Variants in DNAH2 observed in about 807,000 individuals in gnomAD.
The protein encoded by DNAH2 is axonemal beta dynein heavy chain 2.
DNAH2 carries 323 observed loss-of-function variants against 523.5 expected under a neutral mutation model. The ratio of observed to expected loss-of-function variants is 0.62; its 90% CI spans 0.56 to 0.68. The LOEUF is 0.68. Ranked by LOEUF, DNAH2 falls within the 30% of genes least tolerant of loss-of-function variation. DNAH2 has a pLI of 0.00. For synonymous variants in DNAH2, 2,093 were observed against 2,177.4 expected (o/e 0.96, Z 1.08); for missense variants, 4,907 against 5,701.5 (o/e 0.86, Z 4.49).
Position 7,765,421 on chromosome 17 carries a change from G to A in DNAH2, c.3367G>A (p.Glu1123Lys), listed in dbSNP as rs1368995075. The change falls in exon 21 of 86, where the codon GAG becomes AAG. Residue 1123 changes from glutamate (E) to lysine (K), a missense_variant. Physicochemically the swap from Glu to Lys is moderately conservative, Grantham distance 56. Coordinates refer to ENST00000572933, the MANE Select transcript of DNAH2 (RefSeq NM_020877.5). ...GGAGATGCTGGACAGTCTCAACGGG[G>A]AGTGGGTTGTCTTCCAACAAACTCT... Reference protein sequence around the residue: ...VLEMLDSLNGEWVVFQQTLLD... With the variant: ...VLEMLDSLNGKWVVFQQTLLD... The A allele has an allele frequency of 6.2e-7, 1 of 1,614,142 alleles. No individual in the cohort carries two copies. The highest frequency in any genetic ancestry group is 1.3e-5 in the African/African-American group (1 of 75,070).
chr17:7,748,012 A>C (rs1375545458), intron 12 of DNAH2, among the ~76,000 whole-genome samples: 1 of 152,194 alleles, frequency 6.6e-6, no homozygotes, highest in African/African-American at 2.4e-5. Flanking sequence ...AGACTGTCCA[A>C]ATGTTCTGAT....
At position 7,770,873 on chromosome 17, in the gene DNAH2, C is replaced by T. The variant is rs267605087; in HGVS notation, c.4302C>T (p.Ser1434=). The change falls in exon 27 of 86, where the codon TCC becomes TCT. Residue 1434 remains serine, a synonymous_variant. Coordinates refer to ENST00000572933, the MANE Select transcript of DNAH2 (RefSeq NM_020877.5). ...KDVDHWERCL[S]LILEVIEMIL... ...TGGACCACTGGGAACGCTGCCTCTC[C>T]CTCATTTTGGAGGTTATTGAGATGA... 3.7e-6 allele frequency: 6 copies of T among 1,614,008 alleles called. No individual in the cohort carries two copies. The highest frequency in any genetic ancestry group is 4.2e-6 in the Non-Finnish European group (5 of 1,180,026).
At chr17:7,738,949 C>T in intron 8 of DNAH2, 1 of 702,808 alleles carries the variant, frequency 1.4e-6, no homozygotes, top group Non-Finnish European at 2.6e-6. Flanking sequence ...GGGCTGGGTC[C>T]TAGATCAGAC....
intron 2 of DNAH2, 48 bp downstream of exon 2, chr17:7,719,948 A>G: frequency 6.9e-7 from 1 of 1,453,482 alleles, no homozygotes; most frequent in Non-Finnish European, 9.1e-7. Flanking sequence ...AGGGTGGGGA[A>G]AGTCAGAGGG....
At chr17:7,817,467 C>T (rs1179761355) in intron 65 of DNAH2, 52 bp downstream of exon 65, 2 of 1,613,214 alleles carry the variant, frequency 1.2e-6, no homozygotes, top group South Asian at 2.2e-5. Flanking sequence ...GGGCTGGGGG[C>T]AGGACCTTTG....
chr17:7,817,903 A>ACCTCT (rs1156948452), intron 67 of DNAH2, 43 bp from the exon 68 acceptor site: 4 of 1,612,748 alleles, frequency 2.5e-6, no homozygotes, highest in Non-Finnish European at 3.4e-6. Context: ...CTGAGGCCCC[A>ACCTCT]CCTCTCCCGT....
At chr17:7,777,196 C>T (rs2076479874) in intron 32 of DNAH2, among the ~76,000 whole-genome samples, 1 of 151,342 alleles carries the variant, frequency 6.6e-6, no homozygotes, top group Non-Finnish European at 1.5e-5. Flanking sequence ...CAAGTATGGG[C>T]TAGGCCTGGA....
At chr17:7,771,874 C>G (rs2076326855) in intron 28 of DNAH2, among the ~76,000 whole-genome samples, 1 of 151,940 alleles carries the variant, frequency 6.6e-6, no homozygotes, top group African/African-American at 2.4e-5. Context: ...GTGCCACTAC[C>G]TCTGGCTAAT....
rs2075286377 is a variant in DNAH2, at chr17:7,740,672, G to A, written c.1506+123G>A. The stretch of plus-strand genomic sequence containing the variant: ...CATGTCCAGCATTCGGGCGCCTCTT[G>A]TCTTTCTTCTGTTCCCTGGCTTCGG... On this transcript the variant is annotated intron_variant, in intron 10 of 85. Transcript: ENST00000572933. The A allele has an allele frequency of 2.6e-6, 4 of 1,538,042 alleles. No homozygotes were observed. In the East Asian group the frequency reaches 6.8e-5, roughly 26 times the overall value.
chr17:7,720,007 A>G, intron 2 of DNAH2, 107 bp downstream of exon 2: 1 of 1,354,490 alleles, frequency 7.4e-7, no homozygotes, highest in Non-Finnish European at 9.7e-7. Flanking sequence ...GCTTCTGGGC[A>G]GGAAACGGGC....
At chr17:7,739,113 AT>A (rs2075228389) in intron 8 of DNAH2, 1 of 644,938 alleles carries the variant, frequency 1.6e-6, no homozygotes. Context: ...GAGGCTAAAT[AT>A]TGAACTTATG....
chr17:7,736,810 C>T (rs1406031060), intron 7 of DNAH2, among the ~76,000 whole-genome samples: 2 of 152,026 alleles, frequency 1.3e-5, no homozygotes. Context: ...GGTGAAACCC[C>T]ATCTCTACTA....
Position 7,734,062 on chromosome 17 carries a change from C to T in DNAH2, c.629-121C>T, listed in dbSNP as rs923539004. ...AAAAAAGCATGAGTCACCATTTCTT[C>T]TACCTGCTCTCCTGAAATGCATATG... On this transcript the variant is annotated intron_variant, in intron 5 of 85. Transcript: ENST00000572933. 10 of 798,688 alleles carry T rather than the reference C, an allele frequency of 1.3e-5. No homozygotes were observed. The African/African-American group carries it at 1.6e-4, about 13-fold the overall frequency. 49.5% of individuals were successfully genotyped at this position (798,688 alleles called of 1,614,324 possible).
In DNAH2 at chr17:7,786,768, A is replaced by G; in HGVS notation, c.6466+81A>G. The G allele has an allele frequency of 6.3e-7, 1 of 1,597,542 alleles. No homozygotes were observed. The highest frequency in any genetic ancestry group is 2.2e-5 in the East Asian group (1 of 44,558). ...AGGGAGTCTGGGGATAGGAAGTTCC[A>G]AGTTGGGAGAGAAATGCCTGGGGAA... On this transcript the variant is annotated intron_variant, in intron 41 of 85. Coordinates refer to ENST00000572933, the MANE Select transcript of DNAH2 (RefSeq NM_020877.5). The surrounding 1 kb of genome is among the most constrained non-coding windows in gnomAD (Gnocchi z 7.5).
chr17:7,794,810 A>C (rs1166400363), intron 49 of DNAH2, among the ~76,000 whole-genome samples: 2 of 144,724 alleles, frequency 1.4e-5, no homozygotes, highest in Admixed American at 1.4e-4. Context: ...GCTGGAATGC[A>C]GTGGCATGAT....
chr17:7,735,110 A>G (rs975202689), intron 7 of DNAH2, among the ~76,000 whole-genome samples: 1 of 152,096 alleles, frequency 6.6e-6, no homozygotes, highest in African/African-American at 2.4e-5. Flanking sequence ...AGGGATAAAT[A>G]CTTTTTTTCT....
chr17:7,785,552 C>G (rs571776857), intron 39 of DNAH2, among the ~76,000 whole-genome samples: 12 of 152,174 alleles, frequency 7.9e-5, no homozygotes, highest in Non-Finnish European at 1.5e-4. Context: ...GTGCAAGTAA[C>G]TATCTTGTAT....
Position 7,780,401 on chromosome 17 carries a change from T to C in DNAH2, c.5850+117T>C, listed in dbSNP as rs1000856728. ...CTTATCCTCTAAGGAACTTAGACTA[T>C]TGTCAGTAGGATGTGTGGGGAGAAA... is the stretch of plus-strand genomic sequence containing the variant. On this transcript the variant is annotated intron_variant, in intron 37 of 85. Transcript: ENST00000572933. This position sits in a 1 kb window ranked among gnomAD's most constrained non-coding sequence, Gnocchi z 4.4. The C allele has an allele frequency of 6.6e-7, 1 of 1,516,984 alleles. No individual in the cohort carries two copies. Among genetic ancestry groups the C allele is most frequent in the Non-Finnish European group, 9.0e-7 (1 of 1,110,594 alleles). 94.0% of individuals were successfully genotyped at this position (1,516,984 alleles called of 1,614,324 possible). A position where few individuals can be genotyped will look rare whatever the true frequency, so the allele number is the denominator to read the frequency against.
intron 60 of DNAH2, 69 bp from the exon 61 acceptor site, chr17:7,805,164 GGGAAGTGGGAAGAAGAGGT>G (rs2077335392): frequency 1.3e-6 from 2 of 1,595,820 alleles, no homozygotes; most frequent in East Asian, 4.5e-5. Flanking sequence ...AAAGACTCTG[GGGAAGTGGGAAGAAGAGGT>G]GGCACCTCAG....
Sources: allele counts gnomAD v4.1 joint callset (sites outside exome capture counted in the v4.1 genomes callset), GRCh38; gene constraint gnomAD v4.1.1; non-coding constraint Gnocchi (gnomAD v3.1); transcripts MANE v1.5; gene names NCBI Gene and HGNC (gene_info 2026-07-23, HGNC 2026-07-21).